The following DNAJB1 variants were observed in gnomAD, a reference collection of about 807,000 sequenced individuals.
DNAJB1 encodes the protein DnaJ heat shock protein family (Hsp40) member B1, also known as dnaJ homolog subfamily B member 1.
DNAJB1 carries 14 observed loss-of-function variants against 24.0 expected under a neutral mutation model. The ratio of observed to expected loss-of-function variants is 0.58; its 90% CI spans 0.39 to 0.91. The LOEUF (loss-of-function observed/expected upper bound fraction) is 0.91, where lower values mean the gene tolerates loss of function less well. Among genes scored for constraint, DNAJB1 ranks in the 40% least tolerant of loss-of-function variants. The pLI, the probability that DNAJB1 is intolerant of heterozygous loss-of-function variation, is 0.00. For missense variants in DNAJB1, 517 were observed against 458.1 expected (o/e 1.13, Z -1.17); for synonymous variants, 262 against 174.4 (o/e 1.50, Z -3.96).
At chr19:14,523,401 G>A (rs2072384223) in intron 2 of DNAJB1, among the ~76,000 whole-genome samples, 1 of 150,180 alleles carries the variant, frequency 6.7e-6, no homozygotes, top group Non-Finnish European at 1.5e-5. Flanking sequence ...TGCAACTTCC[G>A]CCTCCTGGGT....
chr19:14,516,764 G>C lies in DNAJB1; in HGVS notation c.494C>G (p.Thr165Ser). ...PARKKQDPPV[T>S]HDLRVSLEEI... ...TTCAAGGGAGACTCGAAGGTCGTGG[G>C]TGACTGGGGGATCTTGCTTCTTTCG... Residue 165 changes from threonine to serine, a missense_variant, in exon 2 of 3, where the codon ACC becomes AGC. Physicochemically the swap from Thr to Ser is moderately conservative, Grantham distance 58. Coordinates refer to ENST00000254322, the MANE Select transcript of DNAJB1 (RefSeq NM_006145.3). 1 of 1,614,024 alleles carries C rather than the reference G, an allele frequency of 6.2e-7. No individual in the cohort carries two copies. Among genetic ancestry groups the C allele is most frequent in the Non-Finnish European group, 8.5e-7 (1 of 1,180,012 alleles).
chr19:14,518,684 C>T (rs761826575), upstream of DNAJB1, among the ~76,000 whole-genome samples: 6 of 152,138 alleles, frequency 3.9e-5, no homozygotes, highest in Admixed American at 6.5e-5. Context: ...GACCTTCTTT[C>T]CCTCTCTACG....
At chr19:14,518,433 G>A (rs998068607), upstream of DNAJB1, 5 of 1,187,132 alleles carry the variant, frequency 4.2e-6, no homozygotes, top group African/African-American at 1.6e-5. Flanking sequence ...ATACCCGTCC[G>A]GCGGAAGCTT....
chr19:14,550,498 C>T (rs927983678), upstream of DNAJB1, among the ~76,000 whole-genome samples: 1 of 152,116 alleles, frequency 6.6e-6, no homozygotes, highest in African/African-American at 2.4e-5. Flanking sequence ...CCTGGTCCGA[C>T]AGCGCCTTCC....
intron 1 of DNAJB1, among the ~76,000 whole-genome samples, chr19:14,540,356 C>G (rs2073055326): frequency 1.3e-5 from 2 of 152,132 alleles, no homozygotes; most frequent in South Asian, 4.1e-4. Context: ...GCGTGAGCCA[C>G]TGTGCCTGGC....
chr19:14,554,939 C>T (rs1294941186), upstream of DNAJB1, among the ~76,000 whole-genome samples: 1 of 151,752 alleles, frequency 6.6e-6, no homozygotes, highest in Non-Finnish European at 1.5e-5. Flanking sequence ...CCACCATGCC[C>T]AGCTAATTTT....
In DNAJB1 at chr19:14,518,321, C is replaced by T. The variant is rs1341043222; in HGVS notation, c.29G>A (p.Gly10Asp). The change falls in exon 1 of 3, where the codon GGC (glycine) becomes GAC (aspartate). Residue 10 changes from glycine to aspartate, a missense_variant. Transcript: ENST00000254322. ...CTCGTCCGACGCGCCGCGGGCCAGG[C>T]CCAACGTCTGGTAGTAGTCTTTACC... MGKDYYQTL[G>D]LARGASDEEI... 6.2e-7 allele frequency: 1 copy of T among 1,603,372 alleles called. No individual in the cohort carries two copies.
intron 1 of DNAJB1, among the ~76,000 whole-genome samples, chr19:14,540,513 T>C (rs1425152494): frequency 6.6e-6 from 1 of 152,134 alleles, no homozygotes; most frequent in African/African-American, 2.4e-5. Flanking sequence ...TGCCTCAGCC[T>C]CCCGAGTAGC....
chr19:14,556,426 A>AAAAACAAAAAC (rs2073727748), intron 1 of DNAJB1, among the ~76,000 whole-genome samples: 1 of 150,922 alleles, frequency 6.6e-6, no homozygotes, highest in African/African-American at 2.4e-5. Context: ...AAACAAAAAC[A>AAAAACAAAAAC]AAAAAAACCA....
At chr19:14,559,931 C>A (rs573165406) in intron 1 of DNAJB1, among the ~76,000 whole-genome samples, 2 of 152,148 alleles carry the variant, frequency 1.3e-5, no homozygotes, top group East Asian at 1.9e-4. Flanking sequence ...GGGAGACGGA[C>A]GGCCGTCCCA....
chr19:14,518,405 A>G, upstream of DNAJB1: 7 of 1,496,364 alleles, frequency 4.7e-6, no homozygotes, highest in African/African-American at 1.4e-5. Flanking sequence ...TCCGCCGCCG[A>G]CCAGTCCCGG....
chr19:14,557,691 A>G (rs1377868081), intron 1 of DNAJB1, among the ~76,000 whole-genome samples: 3 of 150,516 alleles, frequency 2.0e-5, no homozygotes, highest in Non-Finnish European at 4.4e-5. Flanking sequence ...ACCTCAGGTA[A>G]CCCGCCCACC....
At chr19:14,551,835 CTTTTG>C (rs1056560941), upstream of DNAJB1, among the ~76,000 whole-genome samples, 2 of 151,484 alleles carry the variant, frequency 1.3e-5, no homozygotes, top group Non-Finnish European at 2.9e-5. Context: ...TTTTGTTTTT[CTTTTG>C]TTTGGTTTTA....
upstream of DNAJB1, among the ~76,000 whole-genome samples, chr19:14,533,611 C>G (rs1185251597): frequency 6.6e-6 from 1 of 152,086 alleles, no homozygotes; most frequent in Non-Finnish European, 1.5e-5. Context: ...AAATTAATGT[C>G]TGGTTGAGGA....
rs781747947 is a variant in DNAJB1 at position 14,516,661 on chromosome 19, G to A, written c.597C>T (p.Asn199=). Residue 199 remains asparagine (N), a synonymous_variant, in exon 2 of 3, where the codon AAC becomes AAT. Transcript: ENST00000254322. ...RLNPDGKSIR[N]EDKILTIEVK... is the part of the protein sequence containing the mutation. The stretch of plus-strand genomic sequence containing the variant: ...CTTCGATGGTCAATATTTTGTCTTC[G>A]TTTCGAATGCTCTTTCCGTCGGGGT... The A allele has an allele frequency of 9.9e-5, 160 of 1,613,956 alleles. 2 individuals are homozygous for A. The South Asian group carries it at 1.2e-3, about 12-fold the overall frequency.
intron 1 of DNAJB1, among the ~76,000 whole-genome samples, chr19:14,538,828 G>A (rs2072996956): frequency 6.6e-6 from 1 of 152,012 alleles, no homozygotes; most frequent in African/African-American, 2.4e-5. Flanking sequence ...ACCACGCCTG[G>A]CTGAGAAAAG....
upstream of DNAJB1, among the ~76,000 whole-genome samples, chr19:14,553,373 G>T (rs2073606341): frequency 6.6e-6 from 1 of 152,162 alleles, no homozygotes; most frequent in Admixed American, 6.5e-5. Flanking sequence ...AGGGACCTGG[G>T]AGTGGGAGGT....
At chr19:14,550,186 A>G (rs1252846756) in intron 1 of DNAJB1, among the ~76,000 whole-genome samples, 1 of 152,074 alleles carries the variant, frequency 6.6e-6, no homozygotes, top group Non-Finnish European at 1.5e-5. Flanking sequence ...GTCAGTGAAC[A>G]AACGAGCCTC....
intron 1 of DNAJB1, among the ~76,000 whole-genome samples, chr19:14,539,938 G>A (rs1356032909): frequency 6.6e-6 from 1 of 151,486 alleles, no homozygotes; most frequent in Non-Finnish European, 1.5e-5. Context: ...GGAGTGCAGT[G>A]GTGGGATTTT....
Sources: allele counts gnomAD v4.1 joint callset (sites outside exome capture counted in the v4.1 genomes callset), GRCh38; gene constraint gnomAD v4.1.1; transcripts MANE v1.5; gene names NCBI Gene and HGNC (gene_info 2026-07-23, HGNC 2026-07-21).